Variants in ZNF280B observed in about 807,000 individuals in gnomAD.
The protein encoded by ZNF280B is suppressor of hairy wing homolog 2.
Under a neutral mutation model 38.0 loss-of-function variants are expected in ZNF280B, and 16 were observed. The ratio of observed to expected loss-of-function variants is 0.42; its 90% CI spans 0.28 to 0.64. ZNF280B has a LOEUF of 0.64. Among genes scored for constraint, ZNF280B ranks in the 30% least tolerant of loss-of-function variants. ZNF280B has a pLI of 0.21. For missense variants in ZNF280B, 581 were observed against 639.6 expected (o/e 0.91, Z 0.99); for synonymous variants, 253 against 230.6 (o/e 1.10, Z -0.88).
At chr22:22,503,485 A>C (rs2146849283) in intron 2 of ZNF280B, among the ~76,000 whole-genome samples, 2 of 152,088 alleles carry the variant, frequency 1.3e-5, no homozygotes, top group East Asian at 3.9e-4. Flanking sequence ...CATTAAGCAG[A>C]CTCAATTCGT....
rs2061543960 is a variant in ZNF280B, at chr22:22,489,102, C to T, written c.297G>A (p.Val99=). The change falls in exon 4 of 4, where the codon GTG becomes GTA. Residue 99 remains valine (V), a synonymous_variant. Coordinates refer to ENST00000626650, the MANE Select transcript of ZNF280B (RefSeq NM_080764.4). ...CAAGTTGGGAAGCTGGCAGGACGGT[C>T]ACTGCTTCTGATGTAACGGTCTCAT... ...KSHETVTSEA[V]TVLPASQLES... is the part of the protein sequence containing the mutation. The T allele has an allele frequency of 6.2e-7, 1 of 1,613,860 alleles. No homozygotes were observed. The highest frequency in any genetic ancestry group is 1.1e-5 in the South Asian group (1 of 91,064).
At chr22:22,503,697 G>A (rs1220035972) in intron 2 of ZNF280B, among the ~76,000 whole-genome samples, 1 of 151,844 alleles carries the variant, frequency 6.6e-6, no homozygotes, top group Non-Finnish European at 1.5e-5. Context: ...CAAATATGCT[G>A]GTATGACCAA....
intron 2 of ZNF280B, among the ~76,000 whole-genome samples, chr22:22,495,956 C>T (rs149103096): frequency 0.024 from 3,585 of 151,732 alleles, 73 homozygotes; most frequent in Middle Eastern, 0.097. Context: ...CAGGCGCCCA[C>T]CACCATGCCT....
At position 22,499,547 on chromosome 22, in the gene ZNF280B, G is replaced by A. The variant is rs1014375940; in HGVS notation, c.-186-5367C>T. ...CTCCCAAAGTGCTGGGATTACAGGC[G>A]TGAGCCACCATGCCCAGCCTATACC... On this transcript the variant is annotated intron_variant, in intron 2 of 3. Coordinates refer to ENST00000626650, the MANE Select transcript of ZNF280B (RefSeq NM_080764.4). Among the ~76,000 whole-genome samples, 32 of 151,946 alleles carry A rather than the reference G, an allele frequency of 2.1e-4. 1 individual carries two copies. Among genetic ancestry groups the A allele is most frequent in the Admixed American group, 1.6e-3 (25 of 15,240 alleles).
chr22:22,487,514 TCTCACA>T lies in ZNF280B; in HGVS notation c.*247_*252del. 1 of 331,134 alleles carries T rather than the reference TCTCACA, an allele frequency of 3.0e-6. No homozygotes were observed. The allele number at this position is 331,134 out of a possible 1,614,324, so 20.5% of individuals were successfully genotyped here. ...AAATAAATTAATACCTTTTTCTCTC[TCTCACA>T]CACACACACAAACACCTTTTATGTG... On this transcript the variant is annotated 3_prime_UTR_variant, in exon 4 of 4. Transcript: ENST00000626650.
Position 22,488,451 on chromosome 22 carries a change from T to A in ZNF280B, c.948A>T (p.Leu316=), listed in dbSNP as rs778411025. 3.1e-6 allele frequency: 5 copies of A among 1,613,888 alleles called. No individual in the cohort carries two copies. The South Asian group carries it at 4.4e-5, about 14-fold the overall frequency. ...CGTGATTCATAAACTTAACATTTTT[T>A]AGAACTTTCACGCAGCTGAGGCATT... ...TFKCLSCVKV[L]KNVKFMNHVK... The change falls in exon 4 of 4, where the codon CTA becomes CTT. Residue 316 remains leucine (L), a synonymous_variant. Coordinates refer to ENST00000626650, the MANE Select transcript of ZNF280B (RefSeq NM_080764.4).
Position 22,489,115 on chromosome 22 carries a change from G to T in ZNF280B, c.284C>A (p.Thr95Lys). 1 of 1,613,866 alleles carries T rather than the reference G, an allele frequency of 6.2e-7. No individual in the cohort carries two copies. ...KLQPKSHETV[T>K]SEAVTVLPAS... The stretch of plus-strand genomic sequence containing the variant: ...TGGCAGGACGGTCACTGCTTCTGAT[G>T]TAACGGTCTCATGACTTTTAGGCTG... The change falls in exon 4 of 4, where the codon ACA becomes AAA. Residue 95 changes from threonine (T) to lysine (K), a missense_variant. Thr to Lys is a moderately conservative substitution (Grantham distance 78). Coordinates refer to ENST00000626650, the MANE Select transcript of ZNF280B (RefSeq NM_080764.4).
chr22:22,500,086 A>C (rs866188669), intron 2 of ZNF280B, among the ~76,000 whole-genome samples: 1 of 151,992 alleles, frequency 6.6e-6, no homozygotes, highest in African/African-American at 2.4e-5. Flanking sequence ...ACTACTATTA[A>C]AAAACAAACA....
At position 22,489,054 on chromosome 22, in the gene ZNF280B, A is replaced by T. The variant is rs745754715; in HGVS notation, c.345T>A (p.Pro115=). ...SQLESRSTDS[P]IIIEPLSKPD... ...GTTTAGACAAAGGCTCAATAATAATAGGACTATCTGTTGATCTCGATTCAA... is the reference window on the plus strand; with the variant it reads ...GTTTAGACAAAGGCTCAATAATAATTGGACTATCTGTTGATCTCGATTCAA... The change falls in exon 4 of 4, where the codon CCT becomes CCA. Residue 115 remains proline, a synonymous_variant. Transcript: ENST00000626650. 8.7e-6 allele frequency: 14 copies of T among 1,613,784 alleles called. No homozygotes were observed. In the African/African-American group the frequency reaches 1.7e-4, roughly 20 times the overall value.
At position 22,486,525 on chromosome 22, in the gene ZNF280B, T is replaced by G. The variant is rs182648890; in HGVS notation, c.*1242A>C. The stretch of plus-strand genomic sequence containing the variant: ...TGTGGCTGAGAATATGGCCAGTTCA[T>G]TCTCCACTAACGGCTAGCCAGAAGG... On this transcript the variant is annotated 3_prime_UTR_variant, in exon 4 of 4. Transcript: ENST00000626650. The G allele has an allele frequency of 5.9e-4, 90 of 152,592 alleles. No individual in the cohort carries two copies. Among genetic ancestry groups the G allele is most frequent in the Middle Eastern group, 3.5e-3 (1 of 288 alleles). 9.5% of individuals were successfully genotyped at this position (152,592 alleles called of 1,614,324 possible).
At chr22:22,489,926 A>G (rs2061559935) in intron 3 of ZNF280B, among the ~76,000 whole-genome samples, 1 of 152,000 alleles carries the variant, frequency 6.6e-6, no homozygotes, top group Non-Finnish European at 1.5e-5. Context: ...CTGGTTTTTT[A>G]AAAGCACCAC....
chr22:22,503,028 G>A (rs1052660387), intron 2 of ZNF280B, among the ~76,000 whole-genome samples: 3 of 151,962 alleles, frequency 2.0e-5, no homozygotes, highest in African/African-American at 7.3e-5. Context: ...ACAAGCCAAA[G>A]AACGTCACAT....
chr22:22,498,717 G>A (rs1303762721), intron 2 of ZNF280B, among the ~76,000 whole-genome samples: 2 of 150,242 alleles, frequency 1.3e-5, no homozygotes, highest in African/African-American at 2.4e-5. Flanking sequence ...ATCTTTCTAT[G>A]AGGCTAGTTA....
At position 22,487,834 on chromosome 22, in the gene ZNF280B, A is replaced by G; in HGVS notation, c.1565T>C (p.Val522Ala). The G allele has an allele frequency of 6.2e-7, 1 of 1,613,302 alleles. No individual in the cohort carries two copies. The change falls in exon 4 of 4, where the codon GTG becomes GCG. Residue 522 changes from valine (V) to alanine (A), a missense_variant. Physicochemically the swap from Val to Ala is moderately conservative, Grantham distance 64. Transcript: ENST00000626650. ...PGSVDVASIT[V>A]STSDSEPSLP... Reference sequence around the variant, plus strand: ...TGATGGTTCAGAGTCAGATGTGCTCACAGTTATGGATGCTACATCCACTGA... The same window carrying G: ...TGATGGTTCAGAGTCAGATGTGCTCGCAGTTATGGATGCTACATCCACTGA...
At chr22:22,506,626 C>A (rs977672019) in intron 2 of ZNF280B, among the ~76,000 whole-genome samples, 1 of 151,678 alleles carries the variant, frequency 6.6e-6, no homozygotes, top group Non-Finnish European at 1.5e-5. Flanking sequence ...GCATCAAAAA[C>A]GAGATCTTTA....
chr22:22,508,309 CAA>C (rs1470539141), intron 1 of ZNF280B, among the ~76,000 whole-genome samples: 4 of 151,884 alleles, frequency 2.6e-5, no homozygotes, highest in Non-Finnish European at 2.9e-5. Flanking sequence ...CATTGAGCGC[CAA>C]AAGAGACCCC....
chr22:22,497,148 C>T (rs2061713957), intron 2 of ZNF280B, among the ~76,000 whole-genome samples: 1 of 126,546 alleles, frequency 7.9e-6, no homozygotes, highest in African/African-American at 2.9e-5. Flanking sequence ...CAGAGAAAAT[C>T]AGTCATTTTT....
At chr22:22,503,433 ACCC>A (rs1184048720) in intron 2 of ZNF280B, among the ~76,000 whole-genome samples, 2 of 151,778 alleles carry the variant, frequency 1.3e-5, no homozygotes, top group African/African-American at 2.4e-5. Context: ...GGCTGGTATA[ACCC>A]CCCATCTCCC....
At chr22:22,495,169 T>C (rs2061670025) in intron 2 of ZNF280B, among the ~76,000 whole-genome samples, 1 of 151,996 alleles carries the variant, frequency 6.6e-6, no homozygotes, top group South Asian at 2.1e-4. Context: ...TGTGGGGCTG[T>C]CACATTTCCT....
Sources: allele counts gnomAD v4.1 joint callset (sites outside exome capture counted in the v4.1 genomes callset), GRCh38; gene constraint gnomAD v4.1.1; transcripts MANE v1.5; gene names NCBI Gene and HGNC (gene_info 2026-07-23, HGNC 2026-07-21).